Variants in SHISA9 observed in about 807,000 individuals in gnomAD.
SHISA9 encodes the protein protein shisa-9.
In SHISA9, 13 loss-of-function variants were observed where a neutral mutation model predicts 38.0. The ratio of observed to expected loss-of-function variants is 0.34; its 90% confidence interval spans 0.22 to 0.54. The LOEUF (loss-of-function observed/expected upper bound fraction) is 0.54, where lower values mean the gene tolerates loss of function less well. Among genes scored for constraint, SHISA9 ranks in the 20% least tolerant of loss-of-function variants. The probability of loss-of-function intolerance (pLI) is 0.91; values close to 1 mark genes in which losing one functional copy is unlikely to be tolerated. For synonymous variants in SHISA9, 275 were observed against 242.0 expected (o/e 1.14, Z -1.27); for missense variants, 538 against 575.8 (o/e 0.93, Z 0.67).
chr16:13,444,970 C>T, the SHISA9 span, among the ~76,000 whole-genome samples: 24 of 131,578 alleles, frequency 1.8e-4, no homozygotes, highest in African/African-American at 6.6e-4. Flanking sequence ...GGGCACACAC[C>T]ACCATGCCTA....
At chr16:13,499,393 A>G in the SHISA9 span, among the ~76,000 whole-genome samples, 1 of 152,236 alleles carries the variant, frequency 6.6e-6, no homozygotes, top group Non-Finnish European at 1.5e-5. Flanking sequence ...AAGAATACAC[A>G]AAGGAAAATG....
At chr16:13,382,378 A>C in the SHISA9 span, among the ~76,000 whole-genome samples, 1 of 151,586 alleles carries the variant, frequency 6.6e-6, no homozygotes, top group South Asian at 2.1e-4. Flanking sequence ...AAATACAAAA[A>C]ATAGCTGGGT....
At chr16:13,499,950 G>T in the SHISA9 span, among the ~76,000 whole-genome samples, 1 of 152,174 alleles carries the variant, frequency 6.6e-6, no homozygotes, top group African/African-American at 2.4e-5. Flanking sequence ...TCAGAGGCTT[G>T]ATCCTCACCC....
chr16:13,160,851 G>A (rs141845653), intron 2 of SHISA9, among the ~76,000 whole-genome samples: 323 of 152,300 alleles, frequency 2.1e-3, no homozygotes, highest in African/African-American at 2.8e-3. Flanking sequence ...ATTCTGCTGC[G>A]TCTGGCTGAG....
intron 2 of SHISA9, among the ~76,000 whole-genome samples, chr16:13,127,412 CAG>C (rs1276168206): frequency 4.8e-5 from 5 of 103,396 alleles, no homozygotes; most frequent in African/African-American, 1.9e-4. Context: ...GAGAAGGAGA[CAG>C]AGGAGGAGGG....
chr16:13,399,010 C>T, the SHISA9 span, among the ~76,000 whole-genome samples: 2 of 152,090 alleles, frequency 1.3e-5, no homozygotes, highest in East Asian at 1.9e-4. Context: ...AATCTCAACA[C>T]TTTAGGAGGC....
At chr16:13,484,262 C>T in the SHISA9 span, among the ~76,000 whole-genome samples, 1 of 152,174 alleles carries the variant, frequency 6.6e-6, no homozygotes, top group African/African-American at 2.4e-5. Flanking sequence ...AGAGTTTTTC[C>T]GAAACAAGTG....
At chr16:13,342,323 C>T in the SHISA9 span, among the ~76,000 whole-genome samples, 1 of 151,772 alleles carries the variant, frequency 6.6e-6, no homozygotes, top group Non-Finnish European at 1.5e-5. Context: ...TTTTTTAAGA[C>T]AGAGTCCAAG....
the SHISA9 span, among the ~76,000 whole-genome samples, chr16:13,496,808 T>C: frequency 2.0e-5 from 3 of 151,954 alleles, 1 homozygote; most frequent in Non-Finnish European, 4.4e-5. Context: ...GAACTAAAGG[T>C]TAAAATACAC....
At chr16:13,367,712 G>GCGCGCGCA in the SHISA9 span, among the ~76,000 whole-genome samples, 36 of 104,686 alleles carry the variant, frequency 3.4e-4, no homozygotes, top group South Asian at 7.3e-3. Context: ...GCGCGCGCGC[G>GCGCGCGCA]CACACACACA....
chr16:13,400,483 C>T, the SHISA9 span, among the ~76,000 whole-genome samples: 4 of 152,030 alleles, frequency 2.6e-5, no homozygotes, highest in Admixed American at 6.6e-5. Context: ...ATCGTCTTAC[C>T]ATAAAATCAC....
chr16:13,548,431 T>C, the SHISA9 span, among the ~76,000 whole-genome samples: 1 of 152,062 alleles, frequency 6.6e-6, no homozygotes, highest in South Asian at 2.1e-4. Flanking sequence ...ACCTACAGAA[T>C]GGGAGAAAAT....
At chr16:13,452,563 T>TA in the SHISA9 span, among the ~76,000 whole-genome samples, 2 of 152,144 alleles carry the variant, frequency 1.3e-5, no homozygotes, top group African/African-American at 4.8e-5. Flanking sequence ...TCTCCCAACT[T>TA]ACAGATCGGA....
At chr16:13,309,938 A>T in the SHISA9 span, among the ~76,000 whole-genome samples, 1 of 152,106 alleles carries the variant, frequency 6.6e-6, no homozygotes. Context: ...CCCAGGCTGG[A>T]GTGCAATGGC....
At chr16:13,203,608 C>A in intron 3 of SHISA9, 59 bp downstream of exon 3, 1 of 1,383,800 alleles carries the variant, frequency 7.2e-7, no homozygotes, top group Non-Finnish European at 9.4e-7. Flanking sequence ...TTTGCTGCTT[C>A]TTGTAGATCT....
the SHISA9 span, among the ~76,000 whole-genome samples, chr16:13,498,037 A>T: frequency 3.9e-5 from 6 of 152,190 alleles, no homozygotes; most frequent in Non-Finnish European, 8.8e-5. Flanking sequence ...GACAATATAG[A>T]ATCTATTTAA....
chr16:13,384,264 T>G, the SHISA9 span, among the ~76,000 whole-genome samples: 1 of 152,216 alleles, frequency 6.6e-6, no homozygotes, highest in African/African-American at 2.4e-5. Context: ...CAAGCTCTCC[T>G]GATATGGTTT....
intron 2 of SHISA9, among the ~76,000 whole-genome samples, chr16:12,952,303 G>T (rs905495442): frequency 6.6e-6 from 1 of 152,196 alleles, no homozygotes; most frequent in Non-Finnish European, 1.5e-5. Context: ...CACTGGGCCT[G>T]TGCATCTCCT....
intron 2 of SHISA9, among the ~76,000 whole-genome samples, chr16:13,019,943 CTTTCTTTCTTTCTTT>C (rs1567184231): frequency 1.2e-4 from 11 of 93,558 alleles, no homozygotes; most frequent in African/African-American, 1.4e-4. Context: ...TTCTTTCTTT[CTTTCTTTCTTTCTTT>C]CCCTCCTTCT....
Sources: allele counts gnomAD v4.1 joint callset (sites outside exome capture counted in the v4.1 genomes callset), GRCh38; gene constraint gnomAD v4.1.1; transcripts MANE v1.5; gene names NCBI Gene and HGNC (gene_info 2026-07-23, HGNC 2026-07-21).